MME: variants seen among roughly 807,000 people sequenced by gnomAD.
MME encodes the protein membrane metalloendopeptidase, also known as neprilysin.
A neutral mutation model predicts 113.2 loss-of-function variants in MME; 98 were observed. The ratio of observed to expected loss-of-function variants is 0.87; its 90% CI spans 0.74 to 1.02. MME has a LOEUF of 1.02. Ranked by LOEUF, MME falls within the 50% of genes least tolerant of loss-of-function variation. The probability of loss-of-function intolerance (pLI) is 0.00; values close to 1 mark genes in which losing one functional copy is unlikely to be tolerated. For missense variants in MME, 836 were observed against 896.0 expected (o/e 0.93, Z 0.86); for synonymous variants, 292 against 300.6 (o/e 0.97, Z 0.30).
At chr3:155,143,157 G>A (rs1227422842) in intron 12 of MME, among the ~76,000 whole-genome samples, 1 of 152,076 alleles carries the variant, frequency 6.6e-6, no homozygotes, top group African/African-American at 2.4e-5. Flanking sequence ...TTTGTGCAGT[G>A]GTTACAGTGT....
At chr3:155,155,262 C>T (rs367865334) in intron 16 of MME, among the ~76,000 whole-genome samples, 14 of 152,134 alleles carry the variant, frequency 9.2e-5, no homozygotes, top group Admixed American at 4.6e-4. Flanking sequence ...AAAAACAAAA[C>T]GAAACAAAAA....
At chr3:155,118,965 T>A (rs1197300871) in intron 8 of MME, among the ~76,000 whole-genome samples, 154 bp downstream of exon 8, 1 of 152,334 alleles carries the variant, frequency 6.6e-6, no homozygotes, top group South Asian at 2.1e-4. Context: ...GAGCTGTCTT[T>A]GATAGAATGA....
intron 14 of MME, among the ~76,000 whole-genome samples, chr3:155,145,518 A>C (rs918056215): frequency 6.6e-6 from 1 of 152,126 alleles, no homozygotes; most frequent in Non-Finnish European, 1.5e-5. Flanking sequence ...GCAGGGGGGC[A>C]GAAAATACTG....
At chr3:155,044,753 CCT>C (rs1315678612) in intron 1 of MME, among the ~76,000 whole-genome samples, 14 of 152,104 alleles carry the variant, frequency 9.2e-5, no homozygotes, top group African/African-American at 2.9e-4. Flanking sequence ...ATATTTTCCC[CCT>C]GTTAGTCCAA....
At chr3:155,035,432 T>C (rs1576662098) in intron 1 of MME, among the ~76,000 whole-genome samples, 1 of 151,932 alleles carries the variant, frequency 6.6e-6, no homozygotes, top group Non-Finnish European at 1.5e-5. Flanking sequence ...ATCATCCATG[T>C]GATGAAAAAT....
intron 17 of MME, among the ~76,000 whole-genome samples, chr3:155,164,084 C>T (rs969366529): frequency 1.4e-5 from 2 of 147,134 alleles, no homozygotes; most frequent in Non-Finnish European, 3.0e-5. Flanking sequence ...GTGGAGGTTG[C>T]AGTAAGCTGA....
At chr3:155,063,303 GAT>G (rs1714234484) in intron 1 of MME, among the ~76,000 whole-genome samples, 1 of 99,330 alleles carries the variant, frequency 1.0e-5, no homozygotes, top group Non-Finnish European at 1.9e-5. Context: ...ATTATATAAA[GAT>G]ATAATATATC....
intron 22 of MME, among the ~76,000 whole-genome samples, chr3:155,174,676 A>T (rs1712347868): frequency 6.6e-6 from 1 of 152,114 alleles, no homozygotes; most frequent in Admixed American, 6.6e-5. Context: ...AAAAGGCAAA[A>T]TACACTTGAT....
At chr3:155,090,431 C>A (rs952750808) in intron 3 of MME, 3 of 151,876 alleles carry the variant, frequency 2.0e-5, no homozygotes, top group East Asian at 1.9e-4. Context: ...GTATACATAC[C>A]TATGATAAAG....
At chr3:155,149,333 A>G (rs1276857918) in intron 16 of MME, among the ~76,000 whole-genome samples, 2 of 152,162 alleles carry the variant, frequency 1.3e-5, no homozygotes, top group Non-Finnish European at 1.5e-5. Context: ...CTTAGCCCCT[A>G]GACAACAGGG....
intron 3 of MME, among the ~76,000 whole-genome samples, chr3:155,093,080 C>A (rs1412845501): frequency 6.6e-6 from 1 of 151,424 alleles, no homozygotes; most frequent in Non-Finnish European, 1.5e-5. Flanking sequence ...CAAAAATTCA[C>A]CTTCATTCTT....
At chr3:155,079,138 G>A (rs1714892910), upstream of MME, among the ~76,000 whole-genome samples, 1 of 152,090 alleles carries the variant, frequency 6.6e-6, no homozygotes, top group South Asian at 2.1e-4. Context: ...GGAAGAAAGA[G>A]GGAAGCGGGG....
In MME at chr3:155,178,220, TA is replaced by T. The variant is rs201061496; in HGVS notation, c.2154-2138del. On this transcript the variant is annotated intron_variant, in intron 22 of 22. Coordinates refer to ENST00000360490, the MANE Select transcript of MME (RefSeq NM_007289.4). ...ACACCAGGAGATTATTTTTCGTCTT[TA>T]AGACTCATCTAGGAATCCTAAAAAA... 6.0e-3 allele frequency among the ~76,000 whole-genome samples: 910 copies of T among 152,244 alleles called. 12 individuals are homozygous for T. Among genetic ancestry groups the T allele is most frequent in the African/African-American group, 0.021 (875 of 41,544 alleles).
intron 3 of MME, among the ~76,000 whole-genome samples, chr3:155,106,944 T>A (rs1386234535): frequency 1.3e-5 from 2 of 152,238 alleles, no homozygotes; most frequent in African/African-American, 2.4e-5. Flanking sequence ...GTTAGGATAC[T>A]GGTGTTGTGT....
chr3:155,061,481 A>C (rs1714145638), intron 1 of MME, among the ~76,000 whole-genome samples: 1 of 151,334 alleles, frequency 6.6e-6, no homozygotes, highest in African/African-American at 2.4e-5. Context: ...GGTATCAAGC[A>C]TTATTCATTC....
intron 10 of MME, among the ~76,000 whole-genome samples, chr3:155,140,895 C>T (rs1273510873): frequency 6.6e-6 from 1 of 152,138 alleles, no homozygotes; most frequent in Non-Finnish European, 1.5e-5. Context: ...TAGAACTTCC[C>T]GTGTTCTCAT....
intron 16 of MME, among the ~76,000 whole-genome samples, chr3:155,159,289 C>A (rs1019581662): frequency 3.3e-5 from 5 of 152,010 alleles, no homozygotes; most frequent in Non-Finnish European, 7.4e-5. Flanking sequence ...TTACTGTACA[C>A]CCCTTCTGTG....
intron 1 of MME, among the ~76,000 whole-genome samples, chr3:155,044,125 CTTTTT>C (rs5853709): frequency 2.2e-5 from 2 of 89,226 alleles, no homozygotes; most frequent in African/African-American, 8.3e-5. Flanking sequence ...CTTCCTTTTT[CTTTTT>C]TTTTTTTTTT....
intron 8 of MME, among the ~76,000 whole-genome samples, chr3:155,137,097 A>C (rs887591860): frequency 6.6e-6 from 1 of 152,244 alleles, no homozygotes; most frequent in African/African-American, 2.4e-5. Flanking sequence ...TAATACAACT[A>C]TTCTATAGTT....
Sources: allele counts gnomAD v4.1 joint callset (sites outside exome capture counted in the v4.1 genomes callset), GRCh38; gene constraint gnomAD v4.1.1; transcripts MANE v1.5; gene names NCBI Gene and HGNC (gene_info 2026-07-23, HGNC 2026-07-21).